Variants in SLC22A25 observed in about 807,000 individuals in gnomAD.
SLC22A25 encodes MGI:2442751, MGI:2385316, MGI:3042283, MGI:3645714, MGI:3605624, MGI:2442750.
SLC22A25 carries 44 observed loss-of-function variants against 45.9 expected under a neutral mutation model. That is an observed-to-expected ratio of 0.96 (90% CI 0.75 to 1.23). The LOEUF (loss-of-function observed/expected upper bound fraction) is 1.23, where lower values mean the gene tolerates loss of function less well. Ranked by LOEUF, SLC22A25 falls within the 50% of genes most tolerant of loss-of-function variation. The pLI is 0.00. For missense variants in SLC22A25, 800 were observed against 666.4 expected (o/e 1.20, Z -2.21); for synonymous variants, 283 against 238.6 (o/e 1.19, Z -1.72).
chr11:63,168,708 G>A (rs1291913047), intron 9 of SLC22A25, among the ~76,000 whole-genome samples: 1 of 152,138 alleles, frequency 6.6e-6, no homozygotes, highest in Non-Finnish European at 1.5e-5. Flanking sequence ...ACCTGAAAGT[G>A]ACAGGGAGAA....
At chr11:63,240,183 A>G (rs899445605) in intron 1 of SLC22A25, among the ~76,000 whole-genome samples, 1 of 152,196 alleles carries the variant, frequency 6.6e-6, no homozygotes, top group Non-Finnish European at 1.5e-5. Flanking sequence ...GAAAAGTTAG[A>G]GTAAAAATAA....
intron 7 of SLC22A25, chr11:63,208,113 T>C (rs929087128): frequency 6.6e-6 from 1 of 152,248 alleles, no homozygotes; most frequent in African/African-American, 2.4e-5. Context: ...ACTGTCTCCT[T>C]TGCCTGTGGG....
intron 7 of SLC22A25, among the ~76,000 whole-genome samples, chr11:63,192,839 A>G (rs2088865161): frequency 1.3e-5 from 2 of 152,210 alleles, no homozygotes; most frequent in African/African-American, 4.8e-5. Flanking sequence ...TCATAAAGCA[A>G]GTTCTTAGAG....
intron 7 of SLC22A25, among the ~76,000 whole-genome samples, chr11:63,211,208 C>T (rs1217631139): frequency 6.6e-6 from 1 of 152,160 alleles, no homozygotes; most frequent in African/African-American, 2.4e-5. Flanking sequence ...TCAATACCCA[C>T]TACCTAGAGA....
In SLC22A25 at chr11:63,243,415, C is replaced by T; in HGVS notation, c.-996+19G>A. On this transcript the variant is annotated intron_variant, in intron 1 of 11. Transcript: ENST00000306494. ...AACAGAAGTGTGAAGAAAAGGTTTT[C>T]CCTCTGGCCACGATTTACCTGGACT... 4.1e-6 allele frequency: 3 copies of T among 727,402 alleles called. No homozygotes were observed. Among genetic ancestry groups the T allele is most frequent in the Non-Finnish European group, 7.7e-6 (3 of 389,900 alleles). 45.1% of individuals were successfully genotyped at this position (727,402 alleles called of 1,614,324 possible).
intron 7 of SLC22A25, among the ~76,000 whole-genome samples, chr11:63,207,347 A>G (rs1271596356): frequency 6.6e-6 from 1 of 152,230 alleles, no homozygotes; most frequent in Non-Finnish European, 1.5e-5. Flanking sequence ...TCAGAAGGGG[A>G]GAAAATTTTT....
At position 63,159,592 on chromosome 11, in the gene SLC22A25, G is replaced by A. The variant is rs536173804; in HGVS notation, c.*4232C>T. On this transcript the variant is annotated 3_prime_UTR_variant, in exon 12 of 12. Transcript: ENST00000306494. Reference sequence around the variant, plus strand: ...TTTCTTTATAACTTACCCAGTCTCAGGTATGTCTTTATCAGCAGCATGAGA... The same window carrying A: ...TTTCTTTATAACTTACCCAGTCTCAAGTATGTCTTTATCAGCAGCATGAGA... Among the ~76,000 whole-genome samples, 5 of 152,102 alleles carry A rather than the reference G, an allele frequency of 3.3e-5. No individual in the cohort carries two copies. The highest frequency in any genetic ancestry group is 5.9e-5 in the Non-Finnish European group (4 of 68,038).
chr11:63,183,990 ACT>A (rs2088426127), intron 7 of SLC22A25, among the ~76,000 whole-genome samples, 173 bp from the exon 8 acceptor site: 2 of 151,766 alleles, frequency 1.3e-5, no homozygotes, highest in African/African-American at 2.4e-5. Context: ...TGTAAGGGTG[ACT>A]CTCTGTGCAG....
At chr11:63,240,971 A>G (rs976043392) in intron 1 of SLC22A25, among the ~76,000 whole-genome samples, 1 of 152,274 alleles carries the variant, frequency 6.6e-6, no homozygotes, top group African/African-American at 2.4e-5. Flanking sequence ...CAATGAGACC[A>G]TAAAAAAAAA....
intron 7 of SLC22A25, among the ~76,000 whole-genome samples, chr11:63,193,905 A>T (rs555419150): frequency 7.9e-5 from 12 of 152,332 alleles, no homozygotes; most frequent in African/African-American, 2.9e-4. Flanking sequence ...CAAGGAAGCT[A>T]AAAACCTTGA....
chr11:63,183,892 GC>G lies in SLC22A25; in HGVS notation c.831-76del, dbSNP rs1196947582. The G allele has an allele frequency of 1.9e-6, 3 of 1,591,484 alleles. No homozygotes were observed. The African/African-American group carries it at 4.0e-5, about 21-fold the overall frequency. On this transcript the variant is annotated intron_variant, in intron 7 of 11. Coordinates refer to ENST00000306494, the MANE Select transcript of SLC22A25 (RefSeq NM_199352.6). ...TTTCACATAACATTTATCCTGAGAT[GC>G]CTTTCCCCTCTAAGCTAATACCCAC...
intron 9 of SLC22A25, among the ~76,000 whole-genome samples, chr11:63,173,585 A>T (rs1163254841): frequency 1.3e-5 from 2 of 152,124 alleles, no homozygotes; most frequent in Non-Finnish European, 2.9e-5. Flanking sequence ...AGAGAGAAAA[A>T]CTTGGAGCCA....
intron 8 of SLC22A25, among the ~76,000 whole-genome samples, chr11:63,181,272 A>G (rs1486962337): frequency 6.6e-6 from 1 of 151,950 alleles, no homozygotes; most frequent in African/African-American, 2.4e-5. Context: ...CCTAACCCTT[A>G]TGTTTTATTA....
chr11:63,196,158 G>T (rs1019703971), intron 7 of SLC22A25, among the ~76,000 whole-genome samples: 1 of 152,096 alleles, frequency 6.6e-6, no homozygotes, highest in African/African-American at 2.4e-5. Context: ...ATTCACAGCC[G>T]AATTCTACCA....
intron 9 of SLC22A25, among the ~76,000 whole-genome samples, chr11:63,171,166 A>T (rs2134715158): frequency 6.6e-6 from 1 of 152,318 alleles, no homozygotes; most frequent in Non-Finnish European, 1.5e-5. Flanking sequence ...ATATCTCAAA[A>T]TAATAAGAGC....
chr11:63,226,845 C>G (rs1043934497), intron 5 of SLC22A25, among the ~76,000 whole-genome samples: 3 of 152,202 alleles, frequency 2.0e-5, no homozygotes, highest in Admixed American at 2.0e-4. Flanking sequence ...GCTAAGCTGC[C>G]ACCAAAACCA....
Position 63,164,513 on chromosome 11 carries a change from T to C in SLC22A25, c.1394+13A>G. On this transcript the variant is annotated intron_variant, in intron 11 of 11. Coordinates refer to ENST00000306494, the MANE Select transcript of SLC22A25 (RefSeq NM_199352.6). ...CATTTTGAGAATGACAGAGCACACA[T>C]AAACTTTTGTACCTGATTATGGAAG... 6.2e-7 allele frequency: 1 copy of C among 1,607,950 alleles called. No homozygotes were observed.
chr11:63,186,391 GT>G (rs2088547420), intron 7 of SLC22A25, among the ~76,000 whole-genome samples: 1 of 151,102 alleles, frequency 6.6e-6, no homozygotes, highest in Non-Finnish European at 1.5e-5. Flanking sequence ...TGTTGGGATT[GT>G]TTGTTTTTTT....
At chr11:63,167,208 G>A (rs79316055) in intron 9 of SLC22A25, 4,955 of 152,350 alleles carry the variant, frequency 0.033, 272 homozygotes, top group African/African-American at 0.11. Flanking sequence ...TGCTACCAGG[G>A]CCCTGGGTTT....
Sources: gnomAD v4.1 joint callset for allele counts (sites outside exome capture counted in the v4.1 genomes callset) on GRCh38, gnomAD v4.1.1 for gene constraint, MANE v1.5 for transcripts, NCBI Gene and HGNC (gene_info 2026-07-23, HGNC 2026-07-21) for gene names.